Variants in RBFOX2 observed in about 807,000 individuals in gnomAD.
RBFOX2 encodes the protein RNA binding fox-1 homolog 2.
A neutral mutation model predicts 49.1 loss-of-function variants in RBFOX2; 10 were observed. That is an observed-to-expected ratio of 0.20 (90% CI 0.13 to 0.35). RBFOX2 has a LOEUF of 0.35. Ranked by LOEUF, RBFOX2 falls within the 10% of genes least tolerant of loss-of-function variation. The probability of loss-of-function intolerance (pLI) is 1.00; values close to 1 mark genes in which losing one functional copy is unlikely to be tolerated. For synonymous variants in RBFOX2, 183 were observed against 187.4 expected (o/e 0.98, Z 0.19); for missense variants, 323 against 486.9 (o/e 0.66, Z 3.17).
intron 9 of RBFOX2, among the ~76,000 whole-genome samples, chr22:35,757,741 T>C (rs965638356): frequency 6.6e-6 from 1 of 152,130 alleles, no homozygotes; most frequent in African/African-American, 2.4e-5. Context: ...TTTCATAGTC[T>C]CCAGTTGCAG....
chr22:35,787,297 C>A lies in RBFOX2; in HGVS notation c.253-5551G>T, dbSNP rs995009893. ...AAGCGATCTGCCTGCCTCAGCCTCC[C>A]AAAGTGCTAGAATTATAGGCATGAG... On this transcript the variant is annotated intron_variant, in intron 2 of 11. Coordinates refer to ENST00000405409, the Ensembl canonical transcript of RBFOX2. Among the ~76,000 whole-genome samples the A allele has an allele frequency of 9.9e-5, 15 of 152,116 alleles. No homozygotes were observed. The East Asian group carries it at 2.9e-3, about 29-fold the overall frequency.
At chr22:36,026,511 T>C (rs996181058) in intron 1 of RBFOX2, among the ~76,000 whole-genome samples, 2 of 150,358 alleles carry the variant, frequency 1.3e-5, no homozygotes, top group Admixed American at 6.6e-5. Context: ...CACTATTAAC[T>C]AGGATTGACA....
chr22:35,801,881 A>C (rs1264580929), intron 2 of RBFOX2, among the ~76,000 whole-genome samples: 22 of 152,180 alleles, frequency 1.4e-4, no homozygotes, highest in Admixed American at 1.4e-3. Context: ...TCTTTCAACC[A>C]GAGCATCCTA....
intron 2 of RBFOX2, among the ~76,000 whole-genome samples, chr22:35,793,659 T>C (rs750923212): frequency 2.6e-5 from 4 of 152,338 alleles, no homozygotes; most frequent in Non-Finnish European, 5.9e-5. Context: ...GAAAAGTGAA[T>C]TTACATTTAC....
At chr22:35,799,595 C>T (rs1949396744) in intron 2 of RBFOX2, among the ~76,000 whole-genome samples, 1 of 152,112 alleles carries the variant, frequency 6.6e-6, no homozygotes, top group Admixed American at 6.6e-5. Flanking sequence ...AGCTGTAGCT[C>T]ACAGCAACAA....
At chr22:35,941,016 T>C (rs983701263), upstream of RBFOX2, among the ~76,000 whole-genome samples, 2 of 152,106 alleles carry the variant, frequency 1.3e-5, no homozygotes, top group African/African-American at 4.8e-5. Flanking sequence ...GATGCACACA[T>C]CCATTATTAT....
chr22:35,987,820 T>C (rs2057787645), intron 1 of RBFOX2, among the ~76,000 whole-genome samples: 1 of 152,180 alleles, frequency 6.6e-6, no homozygotes, highest in Non-Finnish European at 1.5e-5. Context: ...TGCCAAATGC[T>C]TACTGACTGG....
At chr22:35,946,741 ATAT>A (rs2054315026) in intron 1 of RBFOX2, among the ~76,000 whole-genome samples, 1 of 152,224 alleles carries the variant, frequency 6.6e-6, no homozygotes, top group Non-Finnish European at 1.5e-5. Context: ...AAACCTAGTG[ATAT>A]TATAAACTGT....
At chr22:35,872,732 T>C (rs188798456) in intron 1 of RBFOX2, among the ~76,000 whole-genome samples, 1 of 152,228 alleles carries the variant, frequency 6.6e-6, no homozygotes, top group Non-Finnish European at 1.5e-5. Context: ...CAGCTGCTTG[T>C]ATCTTCTTCA....
chr22:35,798,393 C>T (rs900455768), intron 2 of RBFOX2, among the ~76,000 whole-genome samples: 2 of 152,210 alleles, frequency 1.3e-5, no homozygotes, highest in Non-Finnish European at 2.9e-5. Flanking sequence ...ATATATAAAA[C>T]AGTTGTTCAA....
chr22:35,917,999 T>C (rs1310320358), intron 1 of RBFOX2, among the ~76,000 whole-genome samples: 2 of 152,224 alleles, frequency 1.3e-5, no homozygotes, highest in Non-Finnish European at 2.9e-5. Context: ...TGGTAAGTCA[T>C]CTAACTTCTC....
At chr22:35,767,383 T>A in intron 5 of RBFOX2, among the ~76,000 whole-genome samples, 1 of 152,158 alleles carries the variant, frequency 6.6e-6, no homozygotes, top group African/African-American at 2.4e-5. Flanking sequence ...ACGGGCACCA[T>A]CGCCAGCATT....
At chr22:35,924,360 A>T (rs926074422) in intron 1 of RBFOX2, among the ~76,000 whole-genome samples, 1 of 152,268 alleles carries the variant, frequency 6.6e-6, no homozygotes, top group African/African-American at 2.4e-5. Flanking sequence ...AGACACACTA[A>T]GGGAACAAAG....
At chr22:35,776,246 T>C (rs1459429069) in intron 4 of RBFOX2, among the ~76,000 whole-genome samples, 1 of 152,106 alleles carries the variant, frequency 6.6e-6, no homozygotes, top group Non-Finnish European at 1.5e-5. Flanking sequence ...GGAACAGAAA[T>C]CCATCGTGAG....
At chr22:35,965,450 C>CA (rs1402187754), upstream of RBFOX2, among the ~76,000 whole-genome samples, 2 of 152,062 alleles carry the variant, frequency 1.3e-5, no homozygotes, top group African/African-American at 4.8e-5. Context: ...TCATAGTCTC[C>CA]ATGATAAGAA....
At chr22:35,744,139 A>T in exon 12 of RBFOX2, 1 of 1,414,644 alleles carries the variant, frequency 7.1e-7, no homozygotes, top group Non-Finnish European at 9.6e-7. Context: ...CTCTACTAGT[A>T]AATATTGCAA....
At chr22:35,892,362 AAG>A (rs976418956) in intron 1 of RBFOX2, among the ~76,000 whole-genome samples, 1 of 152,204 alleles carries the variant, frequency 6.6e-6, no homozygotes, top group African/African-American at 2.4e-5. Context: ...TTCACTAAAA[AAG>A]AGGATGACTC....
At chr22:36,006,086 A>G (rs1004451998) in intron 1 of RBFOX2, among the ~76,000 whole-genome samples, 4 of 152,236 alleles carry the variant, frequency 2.6e-5, no homozygotes, top group African/African-American at 9.6e-5. Flanking sequence ...CAAAATGTGC[A>G]AATATATAGG....
chr22:35,855,430 G>A (rs764942477), intron 1 of RBFOX2, among the ~76,000 whole-genome samples: 25 of 151,512 alleles, frequency 1.7e-4, no homozygotes, highest in Non-Finnish European at 2.5e-4. Context: ...TTTCTGAGAC[G>A]GGGTCTCACT....
Sources: gnomAD v4.1 joint callset for allele counts (sites outside exome capture counted in the v4.1 genomes callset) on GRCh38, gnomAD v4.1.1 for gene constraint, MANE v1.5 for transcripts, NCBI Gene and HGNC (gene_info 2026-07-23, HGNC 2026-07-21) for gene names.